PAG1: variants seen among roughly 807,000 people sequenced by gnomAD.
PAG1 encodes the protein phosphoprotein membrane anchor with glycosphingolipid microdomains 1.
PAG1 carries 23 observed loss-of-function variants against 31.7 expected under a neutral mutation model. That is an observed-to-expected ratio of 0.73 (90% CI 0.52 to 1.03). The LOEUF (loss-of-function observed/expected upper bound fraction) is 1.03. PAG1 is among the 50% of genes least tolerant of loss of function. The pLI, the probability that PAG1 is intolerant of heterozygous loss-of-function variation, is 0.00. For missense variants in PAG1, 473 were observed against 540.7 expected, an observed-to-expected ratio of 0.87 and a Z score of 1.24; for synonymous variants, 214 against 210.3, an observed-to-expected ratio of 1.02 and a Z score of -0.15.
chr8:81,110,096 G>A (rs947075358), intron 1 of PAG1, among the ~76,000 whole-genome samples: 2 of 151,990 alleles, frequency 1.3e-5, no homozygotes, highest in East Asian at 3.9e-4. Flanking sequence ...CCTATAACTA[G>A]TTCATCTTGT....
intron 2 of PAG1, among the ~76,000 whole-genome samples, chr8:81,030,551 A>T (rs1808362260): frequency 6.6e-6 from 1 of 152,242 alleles, no homozygotes; most frequent in African/African-American, 2.4e-5. Context: ...AAAATTTCTT[A>T]TTAGAAGGAG....
intron 3 of PAG1, among the ~76,000 whole-genome samples, chr8:81,006,664 T>C (rs1287665937): frequency 6.6e-6 from 1 of 152,062 alleles, no homozygotes; most frequent in Non-Finnish European, 1.5e-5. Context: ...CCTCGAGATT[T>C]TCCATTTTTT....
intron 1 of PAG1, among the ~76,000 whole-genome samples, chr8:81,103,832 A>C (rs181059246): frequency 6.6e-6 from 1 of 152,220 alleles, no homozygotes; most frequent in Non-Finnish European, 1.5e-5. Flanking sequence ...TTTTGTGGAT[A>C]AAATGAGATA....
At chr8:81,012,189 G>A (rs991617216) in intron 3 of PAG1, among the ~76,000 whole-genome samples, 20 of 152,272 alleles carry the variant, frequency 1.3e-4, no homozygotes, top group African/African-American at 3.9e-4. Context: ...ATTACCACAT[G>A]ATACTGAGAG....
At chr8:80,995,609 A>C (rs1030230457) in intron 3 of PAG1, among the ~76,000 whole-genome samples, 10 of 152,264 alleles carry the variant, frequency 6.6e-5, no homozygotes, top group Non-Finnish European at 2.9e-5. Context: ...AATCACAGAC[A>C]AAAGGTATCT....
intron 1 of PAG1, among the ~76,000 whole-genome samples, chr8:81,077,132 C>A (rs994186366): frequency 2.6e-5 from 4 of 152,206 alleles, no homozygotes; most frequent in Non-Finnish European, 5.9e-5. Context: ...TTGGCACCCC[C>A]CAGGAGCTCG....
chr8:81,068,702 T>C (rs1809047634), intron 2 of PAG1, among the ~76,000 whole-genome samples: 1 of 152,194 alleles, frequency 6.6e-6, no homozygotes, highest in Admixed American at 6.5e-5. Flanking sequence ...GGTACTAAAA[T>C]AAGATACAAA....
intron 3 of PAG1, among the ~76,000 whole-genome samples, chr8:81,009,479 T>A (rs752259072): frequency 1.3e-5 from 2 of 151,942 alleles, no homozygotes; most frequent in Non-Finnish European, 2.9e-5. Flanking sequence ...CTCTGATCTC[T>A]AAAAAAAATA....
intron 8 of PAG1, among the ~76,000 whole-genome samples, chr8:80,977,734 C>T (rs1246207057): frequency 6.6e-6 from 1 of 152,178 alleles, no homozygotes; most frequent in Non-Finnish European, 1.5e-5. Flanking sequence ...TCCAAGCACA[C>T]CCCCACAGTC....
At chr8:81,037,600 A>C (rs1307149867) in intron 2 of PAG1, among the ~76,000 whole-genome samples, 1 of 152,278 alleles carries the variant, frequency 6.6e-6, no homozygotes, top group African/African-American at 2.4e-5. Flanking sequence ...CTGAATACAA[A>C]GTAAGATTAG....
intron 3 of PAG1, among the ~76,000 whole-genome samples, chr8:81,006,161 T>G (rs60012876): frequency 0.011 from 1,614 of 152,210 alleles, 26 homozygotes; most frequent in African/African-American, 0.037. Context: ...CAGGCTGGTC[T>G]CAAACTCCTG....
intron 1 of PAG1, among the ~76,000 whole-genome samples, chr8:81,088,566 A>G (rs1809397427): frequency 6.6e-6 from 1 of 152,228 alleles, no homozygotes; most frequent in Admixed American, 6.5e-5. Context: ...TGACTATAAT[A>G]TCTTTTGGTG....
At chr8:81,065,599 A>G (rs76409991) in intron 2 of PAG1, among the ~76,000 whole-genome samples, 3,645 of 152,230 alleles carry the variant, frequency 0.024, 146 homozygotes, top group African/African-American at 0.083. Context: ...TCAGACTGCT[A>G]ATAAAAAACT....
rs1275570198 is a variant in PAG1 at position 81,111,714 on chromosome 8, GCCGC to G, written c.-361_-358del. On this transcript the variant is annotated 5_prime_UTR_variant, in exon 1 of 9. Coordinates refer to ENST00000220597, the MANE Select transcript of PAG1 (RefSeq NM_018440.4). ...AGCAGCGGCAAGTGCAGGACCAGGC[GCCGC>G]CGCTCTGCACCAGTCGCCTTGGCTC... The G allele has an allele frequency of 6.6e-6, 1 of 152,250 alleles. No individual in the cohort carries two copies. Among genetic ancestry groups the G allele is most frequent in the East Asian group, 1.9e-4 (1 of 5,164 alleles). The allele number at this position is 152,250 out of a possible 1,614,324, so 9.4% of individuals were successfully genotyped here.
chr8:81,028,228 G>T (rs1251016823), intron 3 of PAG1, among the ~76,000 whole-genome samples: 1 of 152,256 alleles, frequency 6.6e-6, no homozygotes, highest in Non-Finnish European at 1.5e-5. Context: ...CCAGTTCACG[G>T]TTTGCATGCT....
intron 1 of PAG1, among the ~76,000 whole-genome samples, chr8:81,080,012 C>T (rs61705116): frequency 0.087 from 13,186 of 152,010 alleles, 1,529 homozygotes; most frequent in African/African-American, 0.26. Flanking sequence ...TCAAGTGATC[C>T]TCCCATCAAG....
At chr8:81,098,594 A>G (rs1358978768) in intron 1 of PAG1, among the ~76,000 whole-genome samples, 1 of 152,162 alleles carries the variant, frequency 6.6e-6, no homozygotes, top group African/African-American at 2.4e-5. Context: ...CTCCATGGGT[A>G]TCTTTTTGAC....
chr8:81,078,085 A>G (rs1809207029), intron 1 of PAG1, among the ~76,000 whole-genome samples: 1 of 152,230 alleles, frequency 6.6e-6, no homozygotes, highest in African/African-American at 2.4e-5. Context: ...AAGTAGGAAA[A>G]TACACAGAAG....
At chr8:81,053,653 A>C (rs1191616045) in intron 2 of PAG1, among the ~76,000 whole-genome samples, 1 of 152,210 alleles carries the variant, frequency 6.6e-6, no homozygotes, top group Non-Finnish European at 1.5e-5. Context: ...ATCAGGCATG[A>C]GCAATAAAAA....
Sources: allele counts gnomAD v4.1 joint callset (sites outside exome capture counted in the v4.1 genomes callset), GRCh38; gene constraint gnomAD v4.1.1; transcripts MANE v1.5; gene names NCBI Gene and HGNC (gene_info 2026-07-23, HGNC 2026-07-21).